The following ATP10D variants were observed in gnomAD, a reference collection of about 807,000 sequenced individuals.
ATP10D encodes the protein phospholipid-transporting ATPase VD.
ATP10D carries 89 observed loss-of-function variants against 144.8 expected under a neutral mutation model. That is an observed-to-expected ratio of 0.61 (90% CI 0.52 to 0.73). ATP10D has a LOEUF of 0.73. Ranked by LOEUF, ATP10D falls within the 30% of genes least tolerant of loss-of-function variation. The probability of loss-of-function intolerance (pLI) is 0.00; values close to 1 mark genes in which losing one functional copy is unlikely to be tolerated. For missense variants in ATP10D, 1,603 were observed against 1,714.8 expected, an observed-to-expected ratio of 0.93 and a Z score of 1.15; for synonymous variants, 571 against 615.1, an observed-to-expected ratio of 0.93 and a Z score of 1.06.
At chr4:47,547,887 T>C (rs954605798) in intron 10 of ATP10D, among the ~76,000 whole-genome samples, 6 of 152,198 alleles carry the variant, frequency 3.9e-5, no homozygotes, top group Non-Finnish European at 8.8e-5. Context: ...ATATAAAAAC[T>C]ATTATATTAT....
rs189354002 is a variant in ATP10D, at chr4:47,535,624, T to C, written c.883+9T>C. The stretch of plus-strand genomic sequence containing the variant: ...CATTGTGGTTTATGCAGGTCGGTTA[T>C]GTTTCTAATTTTCATTGTCTACTCT... On this transcript the variant is annotated intron_variant, in intron 6 of 22. Coordinates refer to ENST00000273859, the MANE Select transcript of ATP10D (RefSeq NM_020453.4). 2,683 of 1,599,944 alleles carry C rather than the reference T, an allele frequency of 1.7e-3. 64 individuals carry two copies. Among genetic ancestry groups the C allele is most frequent in the Non-Finnish European group, 1.1e-4 (127 of 1,174,242 alleles).
In ATP10D at chr4:47,587,062, A is replaced by G; in HGVS notation, c.3797A>G (p.Tyr1266Cys). The G allele has an allele frequency of 6.2e-7, 1 of 1,613,892 alleles. No individual in the cohort carries two copies. The highest frequency in any genetic ancestry group is 8.5e-7 in the Non-Finnish European group (1 of 1,179,908). Residue 1266 changes from tyrosine (Y) to cysteine (C), a missense_variant, in exon 22 of 23, where the codon TAT (tyrosine) becomes TGT (cysteine). By Grantham distance (194) the Tyr-to-Cys change is radical. Transcript: ENST00000273859. Reference sequence around the variant, plus strand: ...GTCATCATTGGTAGCATCTTGTCTTATTTTTTATTTGCCATAGTTTTTGGA... The same window carrying G: ...GTCATCATTGGTAGCATCTTGTCTTGTTTTTTATTTGCCATAGTTTTTGGA... The part of the protein sequence containing the change: ...LLVIIGSILS[Y>C]FLFAIVFGAM...
intron 21 of ATP10D, among the ~76,000 whole-genome samples, chr4:47,584,177 T>C (rs1349885257): frequency 6.6e-6 from 1 of 152,126 alleles, no homozygotes; most frequent in Non-Finnish European, 1.5e-5. Context: ...GGTCTCTTGT[T>C]AATAAAAGCC....
In ATP10D at chr4:47,592,785, G is replaced by A. The variant is rs1292490700; in HGVS notation, c.*1404G>A. ...TTGGAAATAGTCTCTTACATAAGCT[G>A]ATTTCGAGAACTTTCAAAATCTCAC... On this transcript the variant is annotated 3_prime_UTR_variant, in exon 23 of 23. Transcript: ENST00000273859. The A allele has an allele frequency of 1.3e-5, 2 of 152,502 alleles. No homozygotes were observed. The highest frequency in any genetic ancestry group is 4.8e-5 in the African/African-American group (2 of 41,426). The allele number at this position is 152,502 out of a possible 1,614,324, so 9.4% of individuals were successfully genotyped here.
At position 47,554,756 on chromosome 4, in the gene ATP10D, T is replaced by C. The variant is rs1188057263; in HGVS notation, c.1666T>C (p.Leu556=). 4.3e-6 allele frequency: 7 copies of C among 1,613,502 alleles called. No individual in the cohort carries two copies. Among genetic ancestry groups the C allele is most frequent in the South Asian group, 2.2e-5 (2 of 90,940 alleles). The change falls in exon 11 of 23, where the codon TTA becomes CTA. Residue 556 remains leucine (L), a synonymous_variant. Transcript: ENST00000273859. ...ETDVVPDTRL[L]DKFSQITPRL... ...AGACGTGGTACCAGACACCAGGCTT[T>C]TAGACAAATTTAGTCAGATTACACC...
chr4:47,534,699 T>C (rs987206646), intron 5 of ATP10D, among the ~76,000 whole-genome samples: 2 of 152,186 alleles, frequency 1.3e-5, no homozygotes, highest in Non-Finnish European at 2.9e-5. Flanking sequence ...ATTTTTAAAT[T>C]CTATCAGGAT....
intron 10 of ATP10D, chr4:47,547,088 C>T: frequency 6.1e-6 from 3 of 489,150 alleles, no homozygotes; most frequent in South Asian, 2.9e-5. Flanking sequence ...TATACCATTT[C>T]TGAAAAAAAA....
At chr4:47,577,749 C>G (rs1362886848) in intron 19 of ATP10D, among the ~76,000 whole-genome samples, 1 of 152,186 alleles carries the variant, frequency 6.6e-6, no homozygotes, top group Non-Finnish European at 1.5e-5. Flanking sequence ...ACAGATTCAG[C>G]TTTCAGGAAA....
chr4:47,554,858 G>C lies in ATP10D; in HGVS notation c.1768G>C (p.Ala590Pro). The change falls in exon 11 of 23, where the codon GCA (alanine) becomes CCA (proline). Residue 590 changes from alanine (A) to proline (P), a missense_variant. Ala to Pro is a conservative substitution (Grantham distance 27, BLOSUM62 -1). Coordinates refer to ENST00000273859, the MANE Select transcript of ATP10D (RefSeq NM_020453.4). ...ETLYIIDFFI[A>P]LAICNTVVVS... ...TTTGTACATTATCGACTTTTTCATT[G>C]CATTGGCAATTTGCAACACAGTAGT... 6.2e-7 allele frequency: 1 copy of C among 1,614,060 alleles called. No homozygotes were observed. Among genetic ancestry groups the C allele is most frequent in the Non-Finnish European group, 8.5e-7 (1 of 1,180,000 alleles).
chr4:47,553,552 A>G (rs948417470), intron 10 of ATP10D, among the ~76,000 whole-genome samples: 3 of 152,204 alleles, frequency 2.0e-5, no homozygotes, highest in Non-Finnish European at 4.4e-5. Context: ...TTCCTGTTCT[A>G]CTGGTCTCAT....
At chr4:47,536,333 C>G (rs1717844181) in intron 7 of ATP10D, 104 bp from the exon 8 acceptor site, 8 of 1,418,942 alleles carry the variant, frequency 5.6e-6, no homozygotes, top group Admixed American at 2.2e-5. Context: ...CAGTTGATGT[C>G]CAACCAAAAT....
chr4:47,517,883 C>T (rs908654116), intron 3 of ATP10D, among the ~76,000 whole-genome samples: 2 of 152,010 alleles, frequency 1.3e-5, no homozygotes, highest in Non-Finnish European at 1.5e-5. Flanking sequence ...ATTTAATATC[C>T]ATTCTAAGAT....
Position 47,563,586 on chromosome 4 carries a change from A to G in ATP10D, c.2674A>G (p.Thr892Ala). 1 of 1,603,580 alleles carries G rather than the reference A, an allele frequency of 6.2e-7. No homozygotes were observed. Among genetic ancestry groups the G allele is most frequent in the South Asian group, 1.1e-5 (1 of 88,916 alleles). Residue 892 changes from threonine to alanine, a missense_variant, in exon 15 of 23, where the codon ACT becomes GCT. Coordinates refer to ENST00000273859, the MANE Select transcript of ATP10D (RefSeq NM_020453.4). The part of the protein sequence containing the change: ...LENKLTLLGA[T>A]GIEDRLQEGV... ...GCACTTTGGTTATTTTTTAGGTGCTACTGGCATTGAAGACCGTCTGCAGGA... is the reference window on the plus strand; with the variant it reads ...GCACTTTGGTTATTTTTTAGGTGCTGCTGGCATTGAAGACCGTCTGCAGGA...
At chr4:47,560,247 T>G (rs1363083014) in intron 13 of ATP10D, 1 of 152,254 alleles carries the variant, frequency 6.6e-6, no homozygotes, top group Non-Finnish European at 1.5e-5. Context: ...TGTAGATTTC[T>G]CTTTCTATGG....
chr4:47,492,510 T>C (rs751234529), intron 1 of ATP10D, among the ~76,000 whole-genome samples: 2 of 152,192 alleles, frequency 1.3e-5, no homozygotes, highest in Non-Finnish European at 2.9e-5. Flanking sequence ...CTGCCTCTTA[T>C]TTGTGTTTAT....
intron 9 of ATP10D, among the ~76,000 whole-genome samples, chr4:47,543,869 A>G (rs1718285183): frequency 1.3e-5 from 2 of 152,176 alleles, no homozygotes; most frequent in African/African-American, 2.4e-5. Flanking sequence ...ATATGCATGA[A>G]AAAAGGAGGA....
intron 5 of ATP10D, among the ~76,000 whole-genome samples, chr4:47,531,809 C>G (rs1459401584): frequency 6.6e-6 from 1 of 152,178 alleles, no homozygotes; most frequent in African/African-American, 2.4e-5. Flanking sequence ...GCCTATTCAG[C>G]TGTCCTCTTC....
chr4:47,561,172 A>G, intron 14 of ATP10D, 97 bp downstream of exon 14: 2 of 1,473,930 alleles, frequency 1.4e-6, no homozygotes, highest in South Asian at 1.2e-5. Flanking sequence ...TATCTAATAA[A>G]CATATATGGT....
chr4:47,516,889 AT>A (rs1462931031), intron 3 of ATP10D, among the ~76,000 whole-genome samples: 8 of 152,358 alleles, frequency 5.3e-5, no homozygotes, highest in South Asian at 2.1e-4. Flanking sequence ...AAACAGTTCT[AT>A]TAATAATTTA....
Sources: allele counts gnomAD v4.1 joint callset (sites outside exome capture counted in the v4.1 genomes callset), GRCh38; gene constraint gnomAD v4.1.1; transcripts MANE v1.5; gene names NCBI Gene and HGNC (gene_info 2026-07-23, HGNC 2026-07-21).